POFUT2: variants seen among roughly 807,000 people sequenced by gnomAD.
The protein encoded by POFUT2 is protein O-fucosyltransferase 2.
Under a neutral mutation model 55.0 loss-of-function variants are expected in POFUT2, and 30 were observed. The ratio of observed to expected loss-of-function variants is 0.55; its 90% confidence interval spans 0.41 to 0.74. The LOEUF is 0.74. POFUT2 is among the 30% of genes least tolerant of loss of function. POFUT2 has a pLI of 0.00. For missense variants in POFUT2, 524 were observed against 562.6 expected (o/e 0.93, Z 0.69); for synonymous variants, 267 against 231.1 (o/e 1.16, Z -1.41).
rs552831711 is a variant in POFUT2 at position 45,287,884 on chromosome 21, C to G, written c.-13G>C. ...TGAGTGTCGCCATGGCCCCGGGCGG[C>G]CACGCACTTCCGGCGGCCGCGCCCC... On this transcript the variant is annotated 5_prime_UTR_variant, in exon 1 of 9. Coordinates refer to ENST00000349485, the MANE Select transcript of POFUT2 (RefSeq NM_133635.6). The G allele has an allele frequency of 7.6e-7, 1 of 1,317,212 alleles. No homozygotes were observed. Among genetic ancestry groups the G allele is most frequent in the East Asian group, 3.1e-5 (1 of 32,034 alleles). The allele number at this position is 1,317,212 out of a possible 1,614,324, so 81.6% of individuals were successfully genotyped here.
Position 45,265,359 on chromosome 21 carries a change from AC to A in POFUT2, c.*122del, listed in dbSNP as rs1349721430. ...GCGTGGGGCCTCTTCTGGGCCTGGG[AC>A]CCTGCGAGGGACGGTCCTGTCCGCC... On this transcript the variant is annotated 3_prime_UTR_variant, in exon 9 of 9. Transcript: ENST00000349485. The surrounding 1 kb of genome is among the most constrained non-coding windows in gnomAD (Gnocchi z 4.6). The A allele has an allele frequency of 2.4e-6, 2 of 849,738 alleles. No individual in the cohort carries two copies. The highest frequency in any genetic ancestry group is 3.6e-6 in the Non-Finnish European group (2 of 551,952). The allele number at this position is 849,738 out of a possible 1,614,324, so 52.6% of individuals were successfully genotyped here. A position where few individuals can be genotyped will look rare whatever the true frequency, so the allele number is the denominator to read the frequency against.
chr21:45,268,854 G>C (rs2093187141), intron 7 of POFUT2, among the ~76,000 whole-genome samples: 1 of 108,812 alleles, frequency 9.2e-6, no homozygotes, highest in Non-Finnish European at 2.0e-5. Context: ...CCGTCCGGGA[G>C]GGAGGTGGGG....
intron 8 of POFUT2, chr21:45,266,005 G>A: frequency 8.3e-7 from 1 of 1,208,914 alleles, no homozygotes; most frequent in South Asian, 1.5e-5. Context: ...GGTGAACAAT[G>A]AGAGATTCCT....
chr21:45,265,795 T>G lies in POFUT2; in HGVS notation c.1137-160A>C, dbSNP rs2093148340. 1 of 1,424,966 alleles carries G rather than the reference T, an allele frequency of 7.0e-7. No homozygotes were observed. Among genetic ancestry groups the G allele is most frequent in the Non-Finnish European group, 9.1e-7 (1 of 1,093,116 alleles). The allele number at this position is 1,424,966 out of a possible 1,614,324, so 88.3% of individuals were successfully genotyped here. A position where few individuals can be genotyped will look rare whatever the true frequency, so the allele number is the denominator to read the frequency against. ...AGCACCCACCAGCCGGCCGCCCCCT[T>G]GCTGGCACCCCTCGCTCAGGTGCCC... On this transcript the variant is annotated intron_variant, in intron 8 of 8. Transcript: ENST00000349485. This position sits in a 1 kb window ranked among gnomAD's most constrained non-coding sequence, Gnocchi z 4.6.
chr21:45,284,015 G>A lies in POFUT2; in HGVS notation c.383-488C>T, dbSNP rs986586126. Reference sequence around the variant, plus strand: ...ACAGAGGCTCAGGTGAGCAGGAGTCGTGCCTCTTACCCACGGCCCGACCCG... The same window carrying A: ...ACAGAGGCTCAGGTGAGCAGGAGTCATGCCTCTTACCCACGGCCCGACCCG... On this transcript the variant is annotated intron_variant, in intron 2 of 8. Coordinates refer to ENST00000349485, the MANE Select transcript of POFUT2 (RefSeq NM_133635.6). This position sits in a 1 kb window ranked among gnomAD's most constrained non-coding sequence, Gnocchi z 5.8. 1.2e-4 allele frequency among the ~76,000 whole-genome samples: 18 copies of A among 152,196 alleles called. No individual in the cohort carries two copies. Among genetic ancestry groups the A allele is most frequent in the African/African-American group, 2.9e-4 (12 of 41,444 alleles).
chr21:45,282,701 C>T lies in POFUT2; in HGVS notation c.528-242G>A, dbSNP rs536411464. ...CCATGATAGGGGCTGGCGGGATGGC[C>T]GGGGAGGCAGAGGGAGCCGGACAGA... On this transcript the variant is annotated intron_variant, in intron 3 of 8. Transcript: ENST00000349485. The surrounding 1 kb of genome is among the most constrained non-coding windows in gnomAD (Gnocchi z 4.6). 2.3e-5 allele frequency: 13 copies of T among 553,260 alleles called. No homozygotes were observed. The highest frequency in any genetic ancestry group is 1.2e-4 in the South Asian group (7 of 57,416). The allele number at this position is 553,260 out of a possible 1,614,324, so 34.3% of individuals were successfully genotyped here.
intron 7 of POFUT2, among the ~76,000 whole-genome samples, chr21:45,268,698 G>A (rs369243745): frequency 3.4e-5 from 5 of 148,266 alleles, no homozygotes; most frequent in East Asian, 2.0e-4. Flanking sequence ...GGTGAGGAGC[G>A]TCTCTGCCCG....
At chr21:45,274,172 C>T (rs1386191135) in intron 6 of POFUT2, among the ~76,000 whole-genome samples, 2 of 152,160 alleles carry the variant, frequency 1.3e-5, no homozygotes, top group Non-Finnish European at 2.9e-5. Flanking sequence ...ACACCAACAA[C>T]AACCAAGCTG....
At position 45,282,061 on chromosome 21, in the gene POFUT2, G is replaced by A. The variant is rs951089299; in HGVS notation, c.638+288C>T. 3.9e-5 allele frequency among the ~76,000 whole-genome samples: 6 copies of A among 152,122 alleles called. No individual in the cohort carries two copies. Among genetic ancestry groups the A allele is most frequent in the Non-Finnish European group, 7.4e-5 (5 of 68,004 alleles). ...AGAACAGTCTCATGGTGAGCTCCCC[G>A]CCGCCCCCAGCCCAGCTCAGCCCCT... On this transcript the variant is annotated intron_variant, in intron 4 of 8. Coordinates refer to ENST00000349485, the MANE Select transcript of POFUT2 (RefSeq NM_133635.6). This position sits in a 1 kb window ranked among gnomAD's most constrained non-coding sequence, Gnocchi z 4.6.
chr21:45,275,232 C>G (rs758760068), intron 6 of POFUT2, among the ~76,000 whole-genome samples: 12 of 152,202 alleles, frequency 7.9e-5, no homozygotes, highest in Non-Finnish European at 1.5e-4. Flanking sequence ...TACTACCTTA[C>G]TCCTGCAAGA....
rs767829150 is a variant in POFUT2 at position 45,269,821 on chromosome 21, A to C, written c.1012+18T>G. 6.3e-7 allele frequency: 1 copy of C among 1,582,720 alleles called. No homozygotes were observed. Among genetic ancestry groups the C allele is most frequent in the Non-Finnish European group, 8.5e-7 (1 of 1,169,924 alleles). On this transcript the variant is annotated intron_variant, in intron 7 of 8. Transcript: ENST00000349485. The stretch of plus-strand genomic sequence containing the variant: ...AATTAAAAGAAAGGAAAGAAACGAA[A>C]GCATTGAAGCTCCATACCCTTTCTG...
chr21:45,279,834 G>T (rs1236159006), intron 4 of POFUT2, among the ~76,000 whole-genome samples: 12 of 152,216 alleles, frequency 7.9e-5, no homozygotes, highest in Admixed American at 7.9e-4. Context: ...TAATACCCAG[G>T]TGAATGGCTG....
At position 45,267,141 on chromosome 21, in the gene POFUT2, G is replaced by A. The variant is rs150022991; in HGVS notation, c.1136+449C>T. The A allele has an allele frequency of 1.6e-3, 1,988 of 1,233,392 alleles. 19 individuals are homozygous for A. The African/African-American group carries it at 0.026, about 16-fold the overall frequency. The allele number at this position is 1,233,392 out of a possible 1,614,324, so 76.4% of individuals were successfully genotyped here. A position where few individuals can be genotyped will look rare whatever the true frequency, so the allele number is the denominator to read the frequency against. ...GGCCCATGCTCCCAGCCTTGGGGAC[G>A]CTCATGGCAGCCCCACGAGAATGAT... is the stretch of plus-strand genomic sequence containing the variant. On this transcript the variant is annotated intron_variant, in intron 8 of 8. Transcript: ENST00000349485. The surrounding 1 kb of genome is among the most constrained non-coding windows in gnomAD (Gnocchi z 4.4).
Position 45,278,150 on chromosome 21 carries a change from CTCTG to C in POFUT2, c.654_657del (p.Asp218GlufsTer56), listed in dbSNP as rs1302137233. On this transcript the variant is annotated frameshift_variant, in exon 5 of 9. Transcript: ENST00000349485. LOFTEE classifies it high-confidence loss of function. ...TAGTGGTCGTGAAGTAGGTTCTCGGCTCTGTCTAACATCACGGACCTGTTTTTAA... is the reference window on the plus strand; with the variant it reads ...TAGTGGTCGTGAAGTAGGTTCTCGGCTCTAACATCACGGACCTGTTTTTAA... The C allele has an allele frequency of 5.6e-6, 9 of 1,613,528 alleles. No individual in the cohort carries two copies. Among genetic ancestry groups the C allele is most frequent in the Admixed American group, 1.7e-5 (1 of 60,030 alleles).
intron 6 of POFUT2, among the ~76,000 whole-genome samples, chr21:45,275,908 G>A (rs1270852546): frequency 6.6e-6 from 1 of 151,894 alleles, no homozygotes; most frequent in African/African-American, 2.4e-5. Flanking sequence ...GATAAAATAA[G>A]CCAGGCACAG....
chr21:45,285,808 A>T lies in POFUT2; in HGVS notation c.252T>A (p.Pro84=). 1 of 1,613,614 alleles carries T rather than the reference A, an allele frequency of 6.2e-7. No individual in the cohort carries two copies. The highest frequency in any genetic ancestry group is 2.2e-5 in the East Asian group (1 of 44,882). ...GCCAGTGATAGAGGCGGCCCCATGG[A>T]GGCAGGACAAGCACCCACTCCTCCG... is the stretch of plus-strand genomic sequence containing the variant. ...LKTEEWVLVL[P]PWGRLYHWQS... Residue 84 remains proline, a synonymous_variant, in exon 2 of 9, where the codon CCT becomes CCA. Transcript: ENST00000349485. The surrounding 1 kb of genome is among the most constrained non-coding windows in gnomAD (Gnocchi z 4.9).
chr21:45,266,198 G>A (rs763414491), intron 8 of POFUT2: 17 of 1,367,448 alleles, frequency 1.2e-5, no homozygotes, highest in African/African-American at 4.4e-5. Flanking sequence ...TGCGCAGCTG[G>A]TCTCTGGCTC....
intron 4 of POFUT2, among the ~76,000 whole-genome samples, chr21:45,280,472 G>A (rs1304228829): frequency 6.6e-6 from 1 of 152,130 alleles, no homozygotes; most frequent in Non-Finnish European, 1.5e-5. Context: ...TGCATGTCCC[G>A]CATTCAGGGT....
Position 45,277,244 on chromosome 21 carries a change from G to C in POFUT2, c.706-102C>G. 1 of 1,464,570 alleles carries C rather than the reference G, an allele frequency of 6.8e-7. No homozygotes were observed. Among genetic ancestry groups the C allele is most frequent in the Admixed American group, 1.9e-5 (1 of 52,596 alleles). The allele number at this position is 1,464,570 out of a possible 1,614,324, so 90.7% of individuals were successfully genotyped here. A position where few individuals can be genotyped will look rare whatever the true frequency, so the allele number is the denominator to read the frequency against. On this transcript the variant is annotated intron_variant, in intron 5 of 8. Coordinates refer to ENST00000349485, the MANE Select transcript of POFUT2 (RefSeq NM_133635.6). The surrounding 1 kb of genome is among the most constrained non-coding windows in gnomAD (Gnocchi z 6.9). ...CTGCCACCACCCACCCCCGCAGCTG[G>C]AACAAGCCCCTCAGACACGTCATCC...
Sources: gnomAD v4.1 joint callset for allele counts (sites outside exome capture counted in the v4.1 genomes callset) on GRCh38, gnomAD v4.1.1 for gene constraint, Gnocchi (gnomAD v3.1) non-coding constraint, MANE v1.5 for transcripts, NCBI Gene and HGNC (gene_info 2026-07-23, HGNC 2026-07-21) for gene names.